Variants in ASAP2 observed in about 807,000 individuals in gnomAD.
ASAP2 encodes ArfGAP with SH3 domain, ankyrin repeat and PH domain 2.
A neutral mutation model predicts 131.4 loss-of-function variants in ASAP2; 45 were observed. The ratio of observed to expected loss-of-function variants is 0.34; its 90% CI spans 0.27 to 0.44. The LOEUF (loss-of-function observed/expected upper bound fraction) is 0.44, where lower values mean the gene tolerates loss of function less well. Ranked by LOEUF, ASAP2 falls within the 20% of genes least tolerant of loss-of-function variation. The pLI, the probability that ASAP2 is intolerant of heterozygous loss-of-function variation, is 1.00. For missense variants in ASAP2, 1,011 were observed against 1,297.0 expected, an observed-to-expected ratio of 0.78 and a Z score of 3.39; for synonymous variants, 510 against 503.0, an observed-to-expected ratio of 1.01 and a Z score of -0.19.
intron 3 of ASAP2, among the ~76,000 whole-genome samples, chr2:9,299,749 T>C (rs944021556): frequency 6.6e-6 from 1 of 152,212 alleles, no homozygotes; most frequent in African/African-American, 2.4e-5. Context: ...TCAGCTGATA[T>C]CTAGACCTGG....
chr2:9,282,165 C>T (rs890751725), intron 2 of ASAP2, among the ~76,000 whole-genome samples: 5 of 152,128 alleles, frequency 3.3e-5, no homozygotes, highest in Non-Finnish European at 7.4e-5. Flanking sequence ...TTTGAGGCCC[C>T]GCACATAACA....
rs75336283 is a variant in ASAP2 at position 9,401,339 on chromosome 2, C to T, written c.2889C>T (p.Leu963=). The T allele has an allele frequency of 1.0e-4, 161 of 1,613,606 alleles. No homozygotes were observed. The African/African-American group carries it at 1.9e-3, about 19-fold the overall frequency. Residue 963 remains leucine (L), a synonymous_variant, in exon 27 of 28, where the codon CTC becomes CTT. Transcript: ENST00000281419. ...GTGTGGCTGACAACCCCGATGAGCT[C>T]ACCTTCTCCGAGGGGGATGTGATCA... ...YNCVADNPDE[L]TFSEGDVIIV... is the part of the protein sequence containing the mutation.
intron 1 of ASAP2, among the ~76,000 whole-genome samples, chr2:9,215,670 T>TG (rs1661970355): frequency 6.6e-6 from 1 of 151,506 alleles, no homozygotes; most frequent in Non-Finnish European, 1.5e-5. Context: ...AGCTAGTTTT[T>TG]TTTTTTTTTT....
chr2:9,227,719 G>A (rs551070033), intron 1 of ASAP2, among the ~76,000 whole-genome samples: 11 of 152,246 alleles, frequency 7.2e-5, no homozygotes, highest in South Asian at 2.1e-4. Flanking sequence ...CTCAGTAACC[G>A]TTTTATTGAG....
intron 9 of ASAP2, among the ~76,000 whole-genome samples, chr2:9,343,951 C>G (rs1318261885): frequency 6.6e-6 from 1 of 152,218 alleles, no homozygotes; most frequent in East Asian, 1.9e-4. Flanking sequence ...GGTCAGACCC[C>G]CCTTACTCAA....
At chr2:9,347,506 G>A (rs1672047000) in intron 11 of ASAP2, among the ~76,000 whole-genome samples, 1 of 152,206 alleles carries the variant, frequency 6.6e-6, no homozygotes, top group African/African-American at 2.4e-5. Flanking sequence ...TAGCTGCGAA[G>A]CAGGTCTTTA....
chr2:9,271,256 T>G, intron 1 of ASAP2: 1 of 714,414 alleles, frequency 1.4e-6, no homozygotes. Flanking sequence ...AAGGAAATCC[T>G]CACTTAAACT....
intron 1 of ASAP2, among the ~76,000 whole-genome samples, chr2:9,267,897 CA>C (rs34716225): frequency 0.35 from 22,756 of 64,796 alleles, 1,984 homozygotes; most frequent in East Asian, 0.65. Context: ...GACTCTATCT[CA>C]AAAAAAAAAA....
intron 24 of ASAP2, among the ~76,000 whole-genome samples, chr2:9,395,010 A>G (rs1354098321): frequency 6.6e-6 from 1 of 152,038 alleles, no homozygotes; most frequent in Non-Finnish European, 1.5e-5. Flanking sequence ...GGGCTTCCTC[A>G]TATCACGGTG....
intron 2 of ASAP2, among the ~76,000 whole-genome samples, chr2:9,295,835 C>A (rs1015023128): frequency 6.6e-6 from 1 of 152,176 alleles, no homozygotes; most frequent in African/African-American, 2.4e-5. Context: ...CCCTCTAGTC[C>A]CCCAAATGCC....
intron 1 of ASAP2, among the ~76,000 whole-genome samples, chr2:9,211,939 C>T (rs1374586192): frequency 6.6e-6 from 1 of 152,220 alleles, no homozygotes; most frequent in African/African-American, 2.4e-5. Context: ...ATGGGTCAAA[C>T]AGGGCCACCT....
At chr2:9,373,903 G>A (rs1022440035) in intron 16 of ASAP2, among the ~76,000 whole-genome samples, 2 of 152,218 alleles carry the variant, frequency 1.3e-5, no homozygotes, top group Non-Finnish European at 2.9e-5. Flanking sequence ...TCTCCCTCTT[G>A]TAAGTTCACT....
intron 1 of ASAP2, among the ~76,000 whole-genome samples, chr2:9,237,486 G>T (rs184157342): frequency 2.0e-5 from 3 of 148,240 alleles, no homozygotes; most frequent in Non-Finnish European, 4.4e-5. Flanking sequence ...ATCTCAGCTC[G>T]CTGCAGCCTC....
chr2:9,348,405 G>A (rs1349076430), intron 11 of ASAP2, among the ~76,000 whole-genome samples: 2 of 152,222 alleles, frequency 1.3e-5, no homozygotes, highest in Admixed American at 6.5e-5. Flanking sequence ...GATTACAGGC[G>A]TGAGCTACTG....
At chr2:9,368,595 A>G in intron 16 of ASAP2, 76 bp downstream of exon 16, 2 of 1,329,696 alleles carry the variant, frequency 1.5e-6, no homozygotes, top group South Asian at 1.2e-5. Flanking sequence ...GCAGGGGAAT[A>G]AGAAGTTTTG....
At chr2:9,319,953 A>G (rs1670050381) in intron 4 of ASAP2, among the ~76,000 whole-genome samples, 1 of 152,196 alleles carries the variant, frequency 6.6e-6, no homozygotes, top group African/African-American at 2.4e-5. Context: ...TGCAGATGAA[A>G]GGTTGTCTTT....
chr2:9,237,763 T>G (rs1456874811), intron 1 of ASAP2, among the ~76,000 whole-genome samples: 3 of 151,982 alleles, frequency 2.0e-5, no homozygotes, highest in Non-Finnish European at 4.4e-5. Flanking sequence ...GGAGACTGAG[T>G]CTTTTCTTGC....
At chr2:9,254,236 A>AAAAATAT (rs1553297024) in intron 1 of ASAP2, among the ~76,000 whole-genome samples, 4 of 47,110 alleles carry the variant, frequency 8.5e-5, no homozygotes, top group African/African-American at 5.5e-4. Flanking sequence ...AAAAAAAAAA[A>AAAAATAT]ATATATATAT....
At chr2:9,360,212 A>G (rs1672991979) in intron 15 of ASAP2, among the ~76,000 whole-genome samples, 3 of 152,190 alleles carry the variant, frequency 2.0e-5, no homozygotes, top group African/African-American at 4.8e-5. Context: ...ATGATGTAAT[A>G]ATTGTTTATT....
Sources: allele counts gnomAD v4.1 joint callset (sites outside exome capture counted in the v4.1 genomes callset), GRCh38; gene constraint gnomAD v4.1.1; transcripts MANE v1.5; gene names NCBI Gene and HGNC (gene_info 2026-07-23, HGNC 2026-07-21).